ARHGEF33: variants seen among roughly 807,000 people sequenced by gnomAD.
ARHGEF33 encodes DH and coiled-coil domain-containing protein ENSP00000381780.
ARHGEF33 carries 72 observed loss-of-function variants against 101.9 expected under a neutral mutation model. That is an observed-to-expected ratio of 0.71 (90% CI 0.58 to 0.86). The LOEUF (loss-of-function observed/expected upper bound fraction) is 0.86. ARHGEF33 is among the 40% of genes least tolerant of loss of function. ARHGEF33 has a pLI of 0.00. For missense variants in ARHGEF33, 1,169 were observed against 1,111.3 expected, an observed-to-expected ratio of 1.05 and a Z score of -0.74; for synonymous variants, 499 against 442.5, an observed-to-expected ratio of 1.13 and a Z score of -1.60.
Position 38,960,493 on chromosome 2 carries a change from A to T in ARHGEF33, c.2188A>T (p.Ser730Cys). 2 of 1,372,724 alleles carry T rather than the reference A, an allele frequency of 1.5e-6. No homozygotes were observed. Among genetic ancestry groups the T allele is most frequent in the South Asian group, 3.3e-5 (2 of 60,318 alleles). 85.0% of individuals were successfully genotyped at this position (1,372,724 alleles called of 1,614,324 possible). A position where few individuals can be genotyped will look rare whatever the true frequency, so the allele number is the denominator to read the frequency against. The part of the protein sequence containing the change: ...GVAPRLYSTR[S>C]SSGGRAPIKA... ...GGCCCCACGCCTCTACAGCACGCGCAGCAGCAGCGGCGGCCGCGCGCCCAT... is the reference window on the plus strand; with the variant it reads ...GGCCCCACGCCTCTACAGCACGCGCTGCAGCAGCGGCGGCCGCGCGCCCAT... The change falls in exon 16 of 18, where the codon AGC becomes TGC. Residue 730 changes from serine (S) to cysteine (C), a missense_variant. By Grantham distance (112) the Ser-to-Cys change is moderately radical (BLOSUM62 -1). Transcript: ENST00000409978.
intron 1 of ARHGEF33, 125 bp from the exon 2 acceptor site, chr2:38,895,652 C>G (rs1157811944): frequency 1.3e-5 from 2 of 151,926 alleles, no homozygotes; most frequent in Non-Finnish European, 2.9e-5. Flanking sequence ...TATTAGAAAT[C>G]TTTAACAACA....
At chr2:38,965,074 A>C (rs569377594) in intron 16 of ARHGEF33, among the ~76,000 whole-genome samples, 2 of 151,854 alleles carry the variant, frequency 1.3e-5, no homozygotes, top group Admixed American at 1.3e-4. Flanking sequence ...CCACCCTAAC[A>C]CTTTGCTTCT....
intron 2 of ARHGEF33, among the ~76,000 whole-genome samples, chr2:38,901,646 AG>A (rs1666241311): frequency 6.6e-6 from 1 of 152,190 alleles, no homozygotes; most frequent in African/African-American, 2.4e-5. Context: ...CAAAATGCAA[AG>A]CATAGCAATA....
intron 16 of ARHGEF33, among the ~76,000 whole-genome samples, chr2:38,965,029 G>T (rs1352673289): frequency 6.6e-6 from 1 of 151,356 alleles, no homozygotes; most frequent in Non-Finnish European, 1.5e-5. Flanking sequence ...AGTTCTCAAA[G>T]TCAGACCCAT....
At chr2:38,946,495 A>G (rs1667454620) in intron 10 of ARHGEF33, among the ~76,000 whole-genome samples, 1 of 152,170 alleles carries the variant, frequency 6.6e-6, no homozygotes, top group South Asian at 2.1e-4. Flanking sequence ...GTTAGTACTG[A>G]ATATGAAGTC....
At chr2:38,948,240 T>G (rs1476387634) in intron 10 of ARHGEF33, among the ~76,000 whole-genome samples, 3 of 152,226 alleles carry the variant, frequency 2.0e-5, no homozygotes, top group Non-Finnish European at 4.4e-5. Context: ...TGTCTTCTGA[T>G]TTCACACTCC....
chr2:38,929,452 C>T (rs917697612), intron 5 of ARHGEF33, among the ~76,000 whole-genome samples: 7 of 151,738 alleles, frequency 4.6e-5, no homozygotes, highest in South Asian at 2.1e-4. Context: ...AAGAAAACTG[C>T]GTTTTTCCAT....
intron 8 of ARHGEF33, chr2:38,936,757 CCT>C (rs1297482618): frequency 6.6e-6 from 1 of 151,866 alleles, no homozygotes; most frequent in Non-Finnish European, 1.5e-5. Flanking sequence ...AGGTGGATCA[CCT>C]GAGGTCAGGA....
intron 11 of ARHGEF33, 28 bp downstream of exon 11, chr2:38,951,149 T>G (rs1471556495): frequency 6.5e-7 from 1 of 1,546,952 alleles, no homozygotes; most frequent in Non-Finnish European, 8.7e-7. Flanking sequence ...CCTCTATACA[T>G]TTTACTTATA....
At chr2:38,917,187 G>C (rs996204009) in intron 2 of ARHGEF33, among the ~76,000 whole-genome samples, 3 of 147,384 alleles carry the variant, frequency 2.0e-5, no homozygotes, top group African/African-American at 5.0e-5. Context: ...TGCGTCTCAG[G>C]TTAAAGTGAT....
At chr2:38,961,526 G>T (rs962289269) in intron 16 of ARHGEF33, among the ~76,000 whole-genome samples, 3 of 152,184 alleles carry the variant, frequency 2.0e-5, no homozygotes, top group African/African-American at 7.2e-5. Flanking sequence ...TAACATGATA[G>T]TTCTGACCTG....
intron 13 of ARHGEF33, among the ~76,000 whole-genome samples, chr2:38,955,334 C>T (rs769850616): frequency 6.6e-6 from 1 of 152,184 alleles, no homozygotes; most frequent in African/African-American, 2.4e-5. Context: ...CCACCAGACC[C>T]TCTTCTTCCC....
chr2:38,947,598 G>A (rs1024989129), intron 10 of ARHGEF33, among the ~76,000 whole-genome samples: 2 of 152,084 alleles, frequency 1.3e-5, no homozygotes, highest in African/African-American at 2.4e-5. Context: ...TTATAAAGAC[G>A]GTGTCTTGCT....
intron 2 of ARHGEF33, among the ~76,000 whole-genome samples, chr2:38,909,210 G>A (rs1336290706): frequency 6.6e-6 from 1 of 152,156 alleles, no homozygotes; most frequent in Non-Finnish European, 1.5e-5. Context: ...ATTTGACAAA[G>A]GGTCACGTAA....
At chr2:38,955,835 C>A (rs899720442) in intron 13 of ARHGEF33, among the ~76,000 whole-genome samples, 1 of 151,982 alleles carries the variant, frequency 6.6e-6, no homozygotes, top group Non-Finnish European at 1.5e-5. Context: ...CACCACCACA[C>A]CCGGCTAATT....
intron 5 of ARHGEF33, 34 bp downstream of exon 5, chr2:38,929,105 G>A: frequency 6.6e-7 from 1 of 1,522,442 alleles, no homozygotes; most frequent in Non-Finnish European, 8.9e-7. Flanking sequence ...GCTGACAAGA[G>A]AATTTTGGTC....
At chr2:38,950,483 G>C (rs1297508346) in intron 10 of ARHGEF33, among the ~76,000 whole-genome samples, 1 of 151,956 alleles carries the variant, frequency 6.6e-6, no homozygotes, top group Admixed American at 6.6e-5. Context: ...ACAGAGTCTC[G>C]CTTTGTTACC....
At chr2:38,939,268 C>T (rs1667238397) in intron 9 of ARHGEF33, among the ~76,000 whole-genome samples, 1 of 152,238 alleles carries the variant, frequency 6.6e-6, no homozygotes, top group South Asian at 2.1e-4. Context: ...GCCACTGTGC[C>T]TAGCTAGCTA....
At position 38,891,620 on chromosome 2, in the gene ARHGEF33, T is replaced by A. The variant is rs149861410; in HGVS notation, c.-159+1634T>A. Reference sequence around the variant, plus strand: ...TTAGACTTTGATTTTAGGACTGGAGTATGATTTGTTCAATATTTCTCTTTG... The same window carrying A: ...TTAGACTTTGATTTTAGGACTGGAGAATGATTTGTTCAATATTTCTCTTTG... On this transcript the variant is annotated intron_variant, in intron 1 of 17. Transcript: ENST00000409978. Among the ~76,000 whole-genome samples the A allele has an allele frequency of 2.8e-3, 419 of 152,306 alleles. 3 individuals carry two copies. The highest frequency in any genetic ancestry group is 0.01 in the Middle Eastern group (3 of 294).
Sources: gnomAD v4.1 joint callset for allele counts (sites outside exome capture counted in the v4.1 genomes callset) on GRCh38, gnomAD v4.1.1 for gene constraint, MANE v1.5 for transcripts, NCBI Gene and HGNC (gene_info 2026-07-23, HGNC 2026-07-21) for gene names.